Variants in DLGAP1 observed in about 807,000 individuals in gnomAD.
DLGAP1 encodes the protein DLG associated protein 1.
DLGAP1 carries 11 observed loss-of-function variants against 90.8 expected under a neutral mutation model. The ratio of observed to expected loss-of-function variants is 0.12; its 90% CI spans 0.08 to 0.20. The LOEUF is 0.20. Among genes scored for constraint, DLGAP1 ranks in the 10% least tolerant of loss-of-function variants. The pLI, the probability that DLGAP1 is intolerant of heterozygous loss-of-function variation, is 1.00. For missense variants in DLGAP1, 1,050 were observed against 1,333.8 expected, an observed-to-expected ratio of 0.79 and a Z score of 3.31; for synonymous variants, 558 against 540.7, an observed-to-expected ratio of 1.03 and a Z score of -0.44.
At chr18:3,676,758 T>G (rs921093852) in intron 7 of DLGAP1, among the ~76,000 whole-genome samples, 2 of 152,016 alleles carry the variant, frequency 1.3e-5, no homozygotes, top group Non-Finnish European at 2.9e-5. Flanking sequence ...ACCAATTAAT[T>G]AGAAAAAGTA....
intron 1 of DLGAP1, among the ~76,000 whole-genome samples, chr18:4,335,720 T>C (rs553048300): frequency 5.6e-4 from 86 of 152,340 alleles, no homozygotes; most frequent in African/African-American, 2.0e-3. Context: ...AAATTACATA[T>C]GTCCTGTTTT....
rs2080998808 is a variant in DLGAP1, at chr18:4,333,593, A to C, written c.-267+121413T>G. Among the ~76,000 whole-genome samples, 2 of 150,558 alleles carry C rather than the reference A, an allele frequency of 1.3e-5. 1 individual carries two copies. The highest frequency in any genetic ancestry group is 4.9e-5 in the African/African-American group (2 of 40,604). On this transcript the variant is annotated intron_variant, in intron 1 of 12. Transcript: ENST00000315677. ...CGGTATCAGTGCCATGCATGTATGA[A>C]AGGCGCTCAAGACATTATATATATA...
chr18:4,295,733 C>G (rs990753429), intron 1 of DLGAP1, among the ~76,000 whole-genome samples: 1 of 152,118 alleles, frequency 6.6e-6, no homozygotes, highest in African/African-American at 2.4e-5. Context: ...AAAATAATAC[C>G]TACCTCTTAG....
chr18:4,454,241 A>G lies in DLGAP1; in HGVS notation c.-267+765T>C, dbSNP rs917707037. Among the ~76,000 whole-genome samples, 1 of 152,170 alleles carries G rather than the reference A, an allele frequency of 6.6e-6. No individual in the cohort carries two copies. The highest frequency in any genetic ancestry group is 1.5e-5 in the Non-Finnish European group (1 of 68,028). On this transcript the variant is annotated intron_variant, in intron 1 of 12. Transcript: ENST00000315677. This position sits in a 1 kb window ranked among gnomAD's most constrained non-coding sequence, Gnocchi z 4.7. ...CCCCTCAATGAAAGTGCAATGTGTT[A>G]TCTCGCCCAGCCCAGAGGAGAGGTC...
intron 1 of DLGAP1, among the ~76,000 whole-genome samples, chr18:4,169,079 C>T (rs748421978): frequency 3.3e-5 from 5 of 152,164 alleles, no homozygotes; most frequent in Non-Finnish European, 7.4e-5. Context: ...AGTGCAATTG[C>T]TGGATCATGC....
At chr18:3,874,068 C>T in intron 4 of DLGAP1, 1 of 1,536,072 alleles carries the variant, frequency 6.5e-7, no homozygotes, top group Non-Finnish European at 8.8e-7. Context: ...ACAAATACTA[C>T]CCCTTCCTTT....
intron 1 of DLGAP1, among the ~76,000 whole-genome samples, chr18:4,236,799 G>A (rs971025750): frequency 6.6e-6 from 1 of 151,876 alleles, no homozygotes; most frequent in African/African-American, 2.4e-5. Context: ...TCTACCAGTC[G>A]CCAGAATATT....
chr18:4,444,828 G>A (rs1209369367), intron 1 of DLGAP1, among the ~76,000 whole-genome samples: 2 of 152,108 alleles, frequency 1.3e-5, no homozygotes, highest in Non-Finnish European at 2.9e-5. Flanking sequence ...CTTCACATAA[G>A]GTGACTCATT....
intron 7 of DLGAP1, among the ~76,000 whole-genome samples, chr18:3,596,270 C>T (rs1293296465): frequency 2.6e-5 from 4 of 152,104 alleles, no homozygotes; most frequent in Admixed American, 6.5e-5. Flanking sequence ...AACGATTCTC[C>T]TGCCTCAGCC....
intron 5 of DLGAP1, among the ~76,000 whole-genome samples, chr18:3,791,153 C>T (rs2065713567): frequency 6.6e-6 from 1 of 152,096 alleles, no homozygotes; most frequent in South Asian, 2.1e-4. Context: ...GAATATGTGG[C>T]AGCTCCTCAG....
intron 1 of DLGAP1, among the ~76,000 whole-genome samples, chr18:4,242,773 A>G (rs1281127533): frequency 6.6e-6 from 1 of 152,050 alleles, no homozygotes; most frequent in Non-Finnish European, 1.5e-5. Flanking sequence ...TAGATTACAA[A>G]TGCAGTACAC....
intron 1 of DLGAP1, among the ~76,000 whole-genome samples, chr18:4,419,931 A>C (rs891904581): frequency 6.6e-6 from 1 of 152,202 alleles, no homozygotes; most frequent in Non-Finnish European, 1.5e-5. Context: ...TGCTGTCCAC[A>C]AGAAACACAC....
intron 1 of DLGAP1, among the ~76,000 whole-genome samples, chr18:4,254,787 G>A (rs1374532609): frequency 1.3e-5 from 2 of 152,130 alleles, no homozygotes; most frequent in Non-Finnish European, 2.9e-5. Flanking sequence ...GAAAAGCTTT[G>A]GAGTTCCCTT....
chr18:4,033,976 A>G (rs1041983671), intron 2 of DLGAP1, among the ~76,000 whole-genome samples: 10 of 149,432 alleles, frequency 6.7e-5, no homozygotes, highest in African/African-American at 2.5e-4. Context: ...GGACCTCGTG[A>G]TCTGCCCGCC....
At chr18:4,368,369 A>G (rs2081826750) in intron 1 of DLGAP1, among the ~76,000 whole-genome samples, 1 of 152,144 alleles carries the variant, frequency 6.6e-6, no homozygotes, top group Admixed American at 6.5e-5. Flanking sequence ...AGGCTTTTTT[A>G]TAAGATCAAA....
chr18:4,329,645 G>A (rs913718455), intron 1 of DLGAP1, among the ~76,000 whole-genome samples: 7 of 151,808 alleles, frequency 4.6e-5, no homozygotes, highest in African/African-American at 7.2e-5. Context: ...ATATCTCTCC[G>A]TCATTGAGTT....
intron 1 of DLGAP1, among the ~76,000 whole-genome samples, chr18:4,362,168 G>C (rs1011771025): frequency 5.3e-5 from 8 of 152,158 alleles, no homozygotes; most frequent in African/African-American, 1.9e-4. Context: ...ATAAAAAGTA[G>C]TATGGTAGTT....
At chr18:3,535,160 T>G (rs1327030736) in intron 9 of DLGAP1, among the ~76,000 whole-genome samples, 4 of 151,072 alleles carry the variant, frequency 2.6e-5, no homozygotes, top group Non-Finnish European at 4.4e-5. Flanking sequence ...AGCATATTGA[T>G]TGTCATAGCT....
At chr18:3,843,126 G>A (rs951035953) in intron 4 of DLGAP1, among the ~76,000 whole-genome samples, 1 of 152,140 alleles carries the variant, frequency 6.6e-6, no homozygotes, top group East Asian at 1.9e-4. Context: ...ATGTGTGTGT[G>A]TATATAGGGA....
Sources: gnomAD v4.1 joint callset for allele counts (sites outside exome capture counted in the v4.1 genomes callset) on GRCh38, gnomAD v4.1.1 for gene constraint, Gnocchi (gnomAD v3.1) non-coding constraint, MANE v1.5 for transcripts, NCBI Gene and HGNC (gene_info 2026-07-23, HGNC 2026-07-21) for gene names.